Variants in CCDC7 observed in about 807,000 individuals in gnomAD.
The protein encoded by CCDC7 is coiled-coil domain-containing protein 7.
Under a neutral mutation model 196.9 loss-of-function variants are expected in CCDC7, and 183 were observed. The ratio of observed to expected loss-of-function variants is 0.93; its 90% CI spans 0.82 to 1.05. The LOEUF (loss-of-function observed/expected upper bound fraction) is 1.05. CCDC7 is among the 50% of genes least tolerant of loss of function. The pLI is 0.00. For missense variants in CCDC7, 1,540 were observed against 1,482.2 expected, an observed-to-expected ratio of 1.04 and a Z score of -0.64; for synonymous variants, 525 against 484.6, an observed-to-expected ratio of 1.08 and a Z score of -1.10.
rs375978786 is a variant in CCDC7 at position 32,679,940 on chromosome 10, C to T, written c.2123-6030C>T. 5.0e-4 allele frequency among the ~76,000 whole-genome samples: 76 copies of T among 152,222 alleles called. 1 individual carries two copies. The highest frequency in any genetic ancestry group is 1.6e-3 in the Admixed American group (25 of 15,282). On this transcript the variant is annotated intron_variant, in intron 21 of 41. Transcript: ENST00000639629. ...GGGGCATGTGCAGTGTGAATTGTTA[C>T]GTAAGTTTTCACACTCTAGACAATA...
chr10:32,585,423 C>T (rs548921482), intron 18 of CCDC7, among the ~76,000 whole-genome samples: 25 of 152,220 alleles, frequency 1.6e-4, no homozygotes, highest in Admixed American at 6.5e-4. Flanking sequence ...ATGTGCAGAA[C>T]GTGCAGGTTT....
intron 24 of CCDC7, among the ~76,000 whole-genome samples, chr10:32,699,101 C>T (rs1006803663): frequency 2.0e-5 from 3 of 151,882 alleles, no homozygotes; most frequent in African/African-American, 4.8e-5. Context: ...ATGTGTACAA[C>T]GTGCAGGTTT....
chr10:32,738,994 A>G (rs1592212888), intron 28 of CCDC7, among the ~76,000 whole-genome samples: 1 of 151,740 alleles, frequency 6.6e-6, no homozygotes, highest in African/African-American at 2.4e-5. Flanking sequence ...AGTTGGTTGT[A>G]TTTTTCTTCA....
intron 29 of CCDC7, among the ~76,000 whole-genome samples, chr10:32,800,918 C>T (rs2084656293): frequency 6.6e-6 from 1 of 152,198 alleles, no homozygotes; most frequent in African/African-American, 2.4e-5. Context: ...CTTCTAGAAA[C>T]ACCGTGATTA....
intron 18 of CCDC7, among the ~76,000 whole-genome samples, chr10:32,601,673 T>C (rs1471550486): frequency 6.6e-6 from 1 of 152,040 alleles, no homozygotes; most frequent in Non-Finnish European, 1.5e-5. Flanking sequence ...AGCTAAAGGA[T>C]TGTAAATGCA....
At chr10:32,630,347 C>T (rs533036245) in intron 18 of CCDC7, among the ~76,000 whole-genome samples, 7 of 150,646 alleles carry the variant, frequency 4.6e-5, no homozygotes, top group Admixed American at 1.3e-4. Flanking sequence ...TATATATATG[C>T]ATATATATGT....
At chr10:32,698,793 AAGG>A (rs1417869086) in intron 24 of CCDC7, among the ~76,000 whole-genome samples, 2 of 152,178 alleles carry the variant, frequency 1.3e-5, no homozygotes, top group Non-Finnish European at 2.9e-5. Flanking sequence ...GGATATTATG[AAGG>A]AGAACTTCCC....
intron 31 of CCDC7, among the ~76,000 whole-genome samples, chr10:32,819,179 A>G (rs988675094): frequency 3.3e-5 from 5 of 152,244 alleles, no homozygotes; most frequent in African/African-American, 1.2e-4. Flanking sequence ...AGAGAATACT[A>G]TAAACACCTC....
chr10:32,491,298 G>T (rs2042113141), intron 8 of CCDC7, among the ~76,000 whole-genome samples: 1 of 152,118 alleles, frequency 6.6e-6, no homozygotes, highest in Admixed American at 6.5e-5. Flanking sequence ...AAAACTTAGT[G>T]CAGGGACTGT....
upstream of CCDC7, among the ~76,000 whole-genome samples, chr10:32,451,282 A>T (rs1365570445): frequency 6.6e-6 from 1 of 152,192 alleles, no homozygotes; most frequent in Admixed American, 6.5e-5. Flanking sequence ...CTCTACTCCC[A>T]TGTAAAATGG....
chr10:32,658,242 A>G (rs1172304233), intron 20 of CCDC7, among the ~76,000 whole-genome samples: 2 of 152,216 alleles, frequency 1.3e-5, no homozygotes. Context: ...AATTTACTAT[A>G]TTAGTTCATT....
chr10:32,550,829 T>C (rs1016815716), intron 13 of CCDC7, among the ~76,000 whole-genome samples: 1 of 152,226 alleles, frequency 6.6e-6, no homozygotes, highest in Non-Finnish European at 1.5e-5. Flanking sequence ...TTAGCATCTA[T>C]GTTCATCAGG....
chr10:32,690,329 T>G (rs940852747), intron 23 of CCDC7, among the ~76,000 whole-genome samples: 3 of 152,188 alleles, frequency 2.0e-5, no homozygotes, highest in African/African-American at 7.2e-5. Context: ...ATGACAGATA[T>G]TAGAGCAGTT....
At chr10:32,738,809 C>G (rs1304520069) in intron 28 of CCDC7, among the ~76,000 whole-genome samples, 1 of 152,044 alleles carries the variant, frequency 6.6e-6, no homozygotes, top group Non-Finnish European at 1.5e-5. Context: ...TATTTTTTCT[C>G]TCTTTATGTA....
At chr10:32,731,829 T>A (rs1032559132) in intron 28 of CCDC7, among the ~76,000 whole-genome samples, 2 of 152,140 alleles carry the variant, frequency 1.3e-5, no homozygotes, top group Admixed American at 6.5e-5. Flanking sequence ...CAAGGCGGGC[T>A]GATCACAAGT....
At chr10:32,517,136 A>T (rs2047147435) in intron 9 of CCDC7, among the ~76,000 whole-genome samples, 1 of 152,216 alleles carries the variant, frequency 6.6e-6, no homozygotes, top group Non-Finnish European at 1.5e-5. Context: ...ATACAGCCAT[A>T]CGCATTGAAG....
chr10:32,667,363 C>G (rs868113966), intron 21 of CCDC7, among the ~76,000 whole-genome samples: 28 of 152,238 alleles, frequency 1.8e-4, no homozygotes, highest in Middle Eastern at 3.4e-3. Context: ...TGCAGAAACT[C>G]TTCAGTTTAA....
At chr10:32,534,589 T>C (rs4314961) in intron 11 of CCDC7, among the ~76,000 whole-genome samples, 150,227 of 152,060 alleles carry the variant, frequency 0.99, 74,231 homozygotes, top group Middle Eastern at 1. Flanking sequence ...TTTTTGGGGG[T>C]GCTCTTGGTG....
intron 18 of CCDC7, among the ~76,000 whole-genome samples, chr10:32,592,597 C>T (rs769276779): frequency 2.0e-5 from 3 of 152,020 alleles, no homozygotes; most frequent in Admixed American, 6.6e-5. Context: ...ATGTGCATAA[C>T]GTGCCAGTTT....
Sources: gnomAD v4.1 joint callset for allele counts (sites outside exome capture counted in the v4.1 genomes callset) on GRCh38, gnomAD v4.1.1 for gene constraint, MANE v1.5 for transcripts, NCBI Gene and HGNC (gene_info 2026-07-23, HGNC 2026-07-21) for gene names.